The following SPAG9 variants were observed in gnomAD, a reference collection of about 807,000 sequenced individuals.
SPAG9 encodes the protein C-Jun-amino-terminal kinase-interacting protein 4.
A neutral mutation model predicts 166.5 loss-of-function variants in SPAG9; 35 were observed. The observed-to-expected ratio is 0.21, with a 90% confidence interval of 0.16 to 0.28. SPAG9 has a LOEUF of 0.28. Among genes scored for constraint, SPAG9 ranks in the 10% least tolerant of loss-of-function variants. SPAG9 has a pLI of 1.00. For synonymous variants in SPAG9, 534 were observed against 565.5 expected (o/e 0.94, Z 0.79); for missense variants, 1,235 against 1,603.3 (o/e 0.77, Z 3.92).
At chr17:51,021,795 G>A (rs1038469278) in intron 6 of SPAG9, among the ~76,000 whole-genome samples, 6 of 151,088 alleles carry the variant, frequency 4.0e-5, no homozygotes, top group Non-Finnish European at 8.9e-5. Context: ...GTAAAGTGTG[G>A]TATTAAAATA....
At chr17:51,081,399 T>G (rs2048159941) in intron 1 of SPAG9, among the ~76,000 whole-genome samples, 1 of 151,810 alleles carries the variant, frequency 6.6e-6, no homozygotes. Flanking sequence ...TACAGTAAGC[T>G]GAGATCACGC....
intron 13 of SPAG9, among the ~76,000 whole-genome samples, chr17:51,000,810 T>C (rs2044912684): frequency 1.3e-5 from 2 of 152,142 alleles, no homozygotes; most frequent in African/African-American, 4.8e-5. Flanking sequence ...TTTCAGTTTT[T>C]TGAATATTTA....
At chr17:50,993,161 A>C (rs1464956299) in intron 19 of SPAG9, among the ~76,000 whole-genome samples, 2 of 150,706 alleles carry the variant, frequency 1.3e-5, no homozygotes, top group Admixed American at 1.3e-4. Context: ...GTAAAAATGC[A>C]AACAATTAGC....
intron 1 of SPAG9, among the ~76,000 whole-genome samples, chr17:51,092,864 G>C (rs2048506963): frequency 6.6e-6 from 1 of 151,956 alleles, no homozygotes; most frequent in Non-Finnish European, 1.5e-5. Flanking sequence ...CTTTAGCCCA[G>C]GAGTTCTAAG....
chr17:50,978,799 G>GT (rs1974372202), intron 26 of SPAG9, among the ~76,000 whole-genome samples: 1 of 152,118 alleles, frequency 6.6e-6, no homozygotes, highest in African/African-American at 2.4e-5. Flanking sequence ...CAAGGAGAGT[G>GT]TTTGAGAACA....
At chr17:51,043,313 CAGCAACA>C (rs2046909590) in intron 4 of SPAG9, among the ~76,000 whole-genome samples, 2 of 152,094 alleles carry the variant, frequency 1.3e-5, no homozygotes, top group Non-Finnish European at 2.9e-5. Flanking sequence ...AAATGCTGTT[CAGCAACA>C]AAGTTTTTAT....
chr17:50,982,727 A>C, intron 24 of SPAG9, 55 bp from the exon 25 acceptor site: 1 of 1,415,482 alleles, frequency 7.1e-7, no homozygotes, highest in Non-Finnish European at 9.6e-7. Context: ...ACTCAATTTC[A>C]ACACAAGAAA....
chr17:51,031,927 G>A (rs1227392469), intron 5 of SPAG9: 1 of 670,148 alleles, frequency 1.5e-6, no homozygotes, highest in Admixed American at 2.0e-5. Flanking sequence ...TGGTTCAGAA[G>A]CCACCACTTG....
chr17:50,994,952 G>A, intron 18 of SPAG9, 105 bp downstream of exon 18: 2 of 754,282 alleles, frequency 2.7e-6, no homozygotes, highest in African/African-American at 1.7e-5. Context: ...AGTAAGCCAG[G>A]GCATAGTAAT....
intron 2 of SPAG9, among the ~76,000 whole-genome samples, chr17:51,063,578 A>C (rs1198016163): frequency 6.6e-6 from 1 of 152,140 alleles, no homozygotes; most frequent in African/African-American, 2.4e-5. Flanking sequence ...GAATTTTGCA[A>C]CATCTAAAAT....
At chr17:51,051,240 C>T (rs979558998) in intron 3 of SPAG9, among the ~76,000 whole-genome samples, 1 of 152,150 alleles carries the variant, frequency 6.6e-6, no homozygotes, top group Admixed American at 6.5e-5. Context: ...TCCCAGGTAG[C>T]TGGGATTACA....
intron 2 of SPAG9, among the ~76,000 whole-genome samples, chr17:51,077,069 G>GCTATCTAGCTATCTAGCTAGCTAT (rs1361386663): frequency 1.1e-4 from 13 of 120,992 alleles, no homozygotes; most frequent in South Asian, 5.0e-4. Flanking sequence ...TATCTAGCTA[G>GCTATCTAGCTATCTAGCTAGCTAT]CTATCTAGCT....
chr17:50,989,880 G>A lies in SPAG9; in HGVS notation c.2618-8C>T, dbSNP rs748009360. The A allele has an allele frequency of 6.2e-7, 1 of 1,612,972 alleles. No homozygotes were observed. Among genetic ancestry groups the A allele is most frequent in the Non-Finnish European group, 8.5e-7 (1 of 1,178,994 alleles). The stretch of plus-strand genomic sequence containing the variant: ...TATTTTCTGCTTCCATTTCTACAAA[G>A]TAAATAAAACACTATTCCAAGTCTG... On this transcript the variant is annotated splice_region_variant and splice_polypyrimidine_tract_variant and intron_variant, in intron 20 of 29. Transcript: ENST00000262013.
intron 9 of SPAG9, among the ~76,000 whole-genome samples, chr17:51,012,707 C>T (rs1266605927): frequency 6.6e-6 from 1 of 151,204 alleles, no homozygotes; most frequent in Non-Finnish European, 1.5e-5. Flanking sequence ...TACTTTCAAT[C>T]TCTCTTACTA....
chr17:51,021,809 T>C (rs57737545), intron 6 of SPAG9, among the ~76,000 whole-genome samples: 3,421 of 145,084 alleles, frequency 0.024, 106 homozygotes, highest in African/African-American at 0.068. Context: ...TAAAATATCC[T>C]GCATCTAAAT....
chr17:51,089,104 A>G (rs1484390838), intron 1 of SPAG9, among the ~76,000 whole-genome samples: 1 of 150,234 alleles, frequency 6.7e-6, no homozygotes, highest in Non-Finnish European at 1.5e-5. Context: ...AAACAAAACA[A>G]AACAAAACAC....
At chr17:51,064,006 C>T (rs764829709) in intron 2 of SPAG9, among the ~76,000 whole-genome samples, 6 of 152,066 alleles carry the variant, frequency 3.9e-5, no homozygotes, top group Non-Finnish European at 8.8e-5. Context: ...ATAAATTAGA[C>T]GTTAAGTATT....
At chr17:51,019,743 TA>T (rs2045862246) in intron 8 of SPAG9, among the ~76,000 whole-genome samples, 1 of 151,646 alleles carries the variant, frequency 6.6e-6, no homozygotes, top group Non-Finnish European at 1.5e-5. Flanking sequence ...TCCCAGCAAC[TA>T]GGGAGGCTGA....
intron 22 of SPAG9, among the ~76,000 whole-genome samples, 174 bp from the exon 23 acceptor site, chr17:50,985,952 G>T (rs1450310930): frequency 6.6e-6 from 1 of 152,206 alleles, no homozygotes; most frequent in Non-Finnish European, 1.5e-5. Flanking sequence ...GTGAGGGTAG[G>T]CCTAAGGTAA....
Sources: gnomAD v4.1 joint callset for allele counts (sites outside exome capture counted in the v4.1 genomes callset) on GRCh38, gnomAD v4.1.1 for gene constraint, MANE v1.5 for transcripts, NCBI Gene and HGNC (gene_info 2026-07-23, HGNC 2026-07-21) for gene names.